The following KMT2E variants were observed in gnomAD, a reference collection of about 807,000 sequenced individuals.
The protein encoded by KMT2E is lysine methyltransferase 2E (inactive).
KMT2E carries 30 observed loss-of-function variants against 184.6 expected under a neutral mutation model. That is an observed-to-expected ratio of 0.16 (90% confidence interval 0.12 to 0.22). KMT2E has a LOEUF of 0.22. Among genes scored for constraint, KMT2E ranks in the 10% least tolerant of loss-of-function variants. The pLI is 1.00. For missense variants in KMT2E, 2,023 were observed against 2,237.4 expected (o/e 0.90, Z 1.93); for synonymous variants, 815 against 776.5 (o/e 1.05, Z -0.82).
intron 3 of KMT2E, among the ~76,000 whole-genome samples, chr7:105,060,746 A>G (rs1182521617): frequency 6.6e-6 from 1 of 152,024 alleles, no homozygotes; most frequent in Non-Finnish European, 1.5e-5. Context: ...CTTATTTTCT[A>G]TGTTTAGATG....
At chr7:105,065,259 T>C (rs573068549) in intron 5 of KMT2E, among the ~76,000 whole-genome samples, 1 of 152,244 alleles carries the variant, frequency 6.6e-6, no homozygotes, top group Non-Finnish European at 1.5e-5. Context: ...GATTATTTAT[T>C]CATATTCTAG....
chr7:105,085,390 A>G (rs892457057), intron 13 of KMT2E, among the ~76,000 whole-genome samples: 3 of 152,118 alleles, frequency 2.0e-5, no homozygotes, highest in Non-Finnish European at 4.4e-5. Context: ...CTCTACTAAA[A>G]ATACAAAATT....
intron 9 of KMT2E, among the ~76,000 whole-genome samples, chr7:105,076,685 G>T (rs1358738967): frequency 1.3e-5 from 2 of 152,126 alleles, no homozygotes; most frequent in African/African-American, 4.8e-5. Context: ...TGTTACTATA[G>T]TTTTCTGGCT....
At chr7:105,041,860 A>AT (rs921403351) in intron 3 of KMT2E, among the ~76,000 whole-genome samples, 22 of 151,124 alleles carry the variant, frequency 1.5e-4, no homozygotes, top group African/African-American at 1.9e-4. Flanking sequence ...TGAAGAAACT[A>AT]TTTTTTTTTC....
At chr7:105,035,715 G>A (rs1482147109) in intron 1 of KMT2E, among the ~76,000 whole-genome samples, 2 of 151,634 alleles carry the variant, frequency 1.3e-5, no homozygotes, top group African/African-American at 2.4e-5. Flanking sequence ...ATGTGCCACC[G>A]TGCCCGGCTA....
intron 3 of KMT2E, among the ~76,000 whole-genome samples, chr7:105,044,544 T>G (rs1796019122): frequency 6.6e-6 from 1 of 152,154 alleles, no homozygotes. Context: ...GAGGTAGGGT[T>G]TGTGACACTT....
At chr7:105,076,477 A>C (rs2129568065) in intron 9 of KMT2E, among the ~76,000 whole-genome samples, 1 of 152,266 alleles carries the variant, frequency 6.6e-6, no homozygotes, top group East Asian at 1.9e-4. Flanking sequence ...CAGTTGTCAT[A>C]CTATAAATTC....
At position 105,076,094 on chromosome 7, in the gene KMT2E, A is replaced by G. The variant is rs373514504; in HGVS notation, c.768+13A>G. Reference sequence around the variant, plus strand: ...ATCAAGAGTTAAGGTAAATACATTAATTTTAAGGTGTTGTTATCAACTGTC... The same window carrying G: ...ATCAAGAGTTAAGGTAAATACATTAGTTTTAAGGTGTTGTTATCAACTGTC... On this transcript the variant is annotated intron_variant, in intron 9 of 26. Coordinates refer to ENST00000311117, the MANE Select transcript of KMT2E (RefSeq NM_182931.3). The G allele has an allele frequency of 3.2e-6, 5 of 1,570,910 alleles. No homozygotes were observed. The highest frequency in any genetic ancestry group is 3.5e-6 in the Non-Finnish European group (4 of 1,141,826).
intron 1 of KMT2E, among the ~76,000 whole-genome samples, chr7:105,022,784 C>G (rs1234462403): frequency 6.6e-6 from 1 of 152,070 alleles, no homozygotes; most frequent in Non-Finnish European, 1.5e-5. Context: ...TACATACATA[C>G]ACATATACAC....
chr7:105,019,114 C>G (rs763445582), intron 1 of KMT2E, among the ~76,000 whole-genome samples: 3 of 151,984 alleles, frequency 2.0e-5, no homozygotes, highest in Non-Finnish European at 4.4e-5. Flanking sequence ...TTGTGAACTT[C>G]CATGCTAAGT....
chr7:105,059,997 T>TTG (rs1796744752), intron 3 of KMT2E, among the ~76,000 whole-genome samples: 2 of 120,438 alleles, frequency 1.7e-5, no homozygotes, highest in South Asian at 6.4e-4. Context: ...TTTTTTTTTT[T>TTG]TTTTTTTTTT....
At chr7:105,046,120 G>A (rs1562889058) in intron 3 of KMT2E, among the ~76,000 whole-genome samples, 1 of 152,056 alleles carries the variant, frequency 6.6e-6, no homozygotes, top group East Asian at 1.9e-4. Flanking sequence ...GATGTTCTGT[G>A]AGTAGTTCAA....
chr7:105,112,681 A>G lies in KMT2E; in HGVS notation c.4925A>G (p.Gln1642Arg), dbSNP rs938995643. The change falls in exon 27 of 27, where the codon CAA (glutamine) becomes CGA (arginine). Residue 1642 changes from glutamine to arginine, a missense_variant. Physicochemically the swap from Gln to Arg is conservative, Grantham distance 43 (BLOSUM62 1). Transcript: ENST00000311117. Reference sequence around the variant, plus strand: ...CCTGCTCCAGGACCGCACCTTGTACAACAGCCGAATTCCCATCAGCAACAC... The same window carrying G: ...CCTGCTCCAGGACCGCACCTTGTACGACAGCCGAATTCCCATCAGCAACAC... ...PPPAPGPHLV[Q>R]QPNSHQQHSV... 6.2e-7 allele frequency: 1 copy of G among 1,613,666 alleles called. No individual in the cohort carries two copies. The highest frequency in any genetic ancestry group is 8.5e-7 in the Non-Finnish European group (1 of 1,179,960).
At chr7:105,029,571 G>T (rs949365536) in intron 1 of KMT2E, among the ~76,000 whole-genome samples, 1 of 152,160 alleles carries the variant, frequency 6.6e-6, no homozygotes. Flanking sequence ...GATGGTAGGG[G>T]CCATGGCGGC....
In KMT2E at chr7:105,109,084, A is replaced by T. The variant is rs760210417; in HGVS notation, c.3611A>T (p.Asp1204Val). Residue 1204 changes from aspartate to valine, a missense_variant, in exon 23 of 27, where the codon GAC becomes GTC. Asp to Val is a radical substitution (Grantham distance 152). Around this residue, in one of 8 missense-constraint regions of KMT2E, gnomAD observed 1,108 missense variants for 1,050.9 expected, o/e 1.05. Coordinates refer to ENST00000311117, the MANE Select transcript of KMT2E (RefSeq NM_182931.3). ...NNGDGCASSNDNGEQVDHTAS... is the reference protein window; with the variant it reads ...NNGDGCASSNVNGEQVDHTAS... Reference sequence around the variant, plus strand: ...GGTGATGGCTGTGCCAGCAGTAATGACAATGGGGAGCAGGTGGACCACACT... The same window carrying T: ...GGTGATGGCTGTGCCAGCAGTAATGTCAATGGGGAGCAGGTGGACCACACT... The T allele has an allele frequency of 1.2e-6, 2 of 1,614,206 alleles. No individual in the cohort carries two copies. Among genetic ancestry groups the T allele is most frequent in the South Asian group, 2.2e-5 (2 of 91,086 alleles).
intron 6 of KMT2E, among the ~76,000 whole-genome samples, chr7:105,070,864 A>G (rs970937463): frequency 3.3e-5 from 5 of 151,768 alleles, no homozygotes; most frequent in Non-Finnish European, 7.4e-5. Flanking sequence ...TATATACTTT[A>G]TAATTATGTA....
At chr7:105,022,747 C>T (rs1353538741) in intron 1 of KMT2E, among the ~76,000 whole-genome samples, 1 of 151,994 alleles carries the variant, frequency 6.6e-6, no homozygotes, top group Non-Finnish European at 1.5e-5. Flanking sequence ...ATTAAAAAAA[C>T]TAATTTTCTT....
At chr7:105,104,468 A>C (rs1798804202) in intron 17 of KMT2E, 1 of 152,230 alleles carries the variant, frequency 6.6e-6, no homozygotes, top group Non-Finnish European at 1.5e-5. Flanking sequence ...TGGGAGGATC[A>C]CTTGAGCCCA....
At chr7:105,052,960 A>G (rs1046057449) in intron 3 of KMT2E, among the ~76,000 whole-genome samples, 1 of 152,166 alleles carries the variant, frequency 6.6e-6, no homozygotes, top group Non-Finnish European at 1.5e-5. Flanking sequence ...TCCTAACTAT[A>G]CTTCAGTTGT....
Sources: allele counts gnomAD v4.1 joint callset (sites outside exome capture counted in the v4.1 genomes callset), GRCh38; gene constraint gnomAD v4.1.1; regional missense constraint gnomAD v4.1.1; transcripts MANE v1.5; gene names NCBI Gene and HGNC (gene_info 2026-07-23, HGNC 2026-07-21).